The following CTIF variants were observed in gnomAD, a reference collection of about 807,000 sequenced individuals.
The protein encoded by CTIF is cap binding complex dependent translation initiation factor, also known as CBP80/20-dependent translation initiation factor.
A neutral mutation model predicts 66.0 loss-of-function variants in CTIF; 21 were observed. That is an observed-to-expected ratio of 0.32 (90% CI 0.23 to 0.46). The LOEUF (loss-of-function observed/expected upper bound fraction) is 0.46, where lower values mean the gene tolerates loss of function less well. Among genes scored for constraint, CTIF ranks in the 20% least tolerant of loss-of-function variants. The pLI, the probability that CTIF is intolerant of heterozygous loss-of-function variation, is 1.00. For synonymous variants in CTIF, 345 were observed against 326.4 expected (o/e 1.06, Z -0.62); for missense variants, 739 against 812.7 (o/e 0.91, Z 1.10).
At chr18:48,704,833 A>G (rs1331061653) in intron 6 of CTIF, among the ~76,000 whole-genome samples, 1 of 152,202 alleles carries the variant, frequency 6.6e-6, no homozygotes, top group Admixed American at 6.5e-5. Context: ...AAGAATTTGG[A>G]GATCACACTT....
intron 2 of CTIF, among the ~76,000 whole-genome samples, chr18:48,636,098 A>G (rs1169325896): frequency 1.3e-5 from 2 of 152,164 alleles, no homozygotes; most frequent in African/African-American, 2.4e-5. Context: ...TTCTCAGGGG[A>G]TGTGAGTGGC....
intron 5 of CTIF, 190 bp from the exon 6 acceptor site, chr18:48,670,479 G>A (rs544351399): frequency 0.057 from 25,846 of 451,004 alleles, 791 homozygotes; most frequent in Non-Finnish European, 0.073. Context: ...GTTGCATTAC[G>A]GGAGGACCCC....
intron 3 of CTIF, 138 bp downstream of exon 3, chr18:48,636,823 T>G: frequency 9.7e-6 from 5 of 516,208 alleles, no homozygotes; most frequent in Non-Finnish European, 1.3e-5. Flanking sequence ...GGGGCATCTG[T>G]TCCCTGGAAA....
intron 11 of CTIF, among the ~76,000 whole-genome samples, chr18:48,858,737 C>G (rs2069386291): frequency 2.0e-5 from 3 of 152,168 alleles, no homozygotes; most frequent in Admixed American, 2.0e-4. Flanking sequence ...CTGACGGCCT[C>G]TGGCTGGCCT....
chr18:48,694,659 TGCCGTGCATCCACACAACAAAA>T (rs1357719631), intron 6 of CTIF, among the ~76,000 whole-genome samples: 6 of 152,226 alleles, frequency 3.9e-5, no homozygotes. Flanking sequence ...GACTCTTTAA[TGCCGTGCATCCACACAACAAAA>T]GCTTAGCACT....
intron 5 of CTIF, among the ~76,000 whole-genome samples, chr18:48,668,257 C>T (rs957006473): frequency 4.6e-5 from 7 of 152,194 alleles, no homozygotes; most frequent in Non-Finnish European, 7.3e-5. Flanking sequence ...TCAGTGCATG[C>T]GAGAGAGTCC....
intron 8 of CTIF, among the ~76,000 whole-genome samples, chr18:48,759,713 G>A (rs1908769557): frequency 6.6e-6 from 1 of 152,258 alleles, no homozygotes; most frequent in African/African-American, 2.4e-5. Context: ...AACGTGTACA[G>A]ATATGTTCTT....
At chr18:48,784,465 G>A (rs7238630) in intron 9 of CTIF, among the ~76,000 whole-genome samples, 15,583 of 152,182 alleles carry the variant, frequency 0.1, 1,046 homozygotes, top group African/African-American at 0.19. Flanking sequence ...CTTGGGAGGG[G>A]CACTGTTTGC....
At chr18:48,788,322 G>A (rs767440057) in intron 9 of CTIF, among the ~76,000 whole-genome samples, 1 of 152,158 alleles carries the variant, frequency 6.6e-6, no homozygotes, top group African/African-American at 2.4e-5. Flanking sequence ...CACAATTGGG[G>A]TGCCCCAAGG....
At chr18:48,631,152 A>G (rs1417013013) in intron 2 of CTIF, among the ~76,000 whole-genome samples, 1 of 152,154 alleles carries the variant, frequency 6.6e-6, no homozygotes, top group African/African-American at 2.4e-5. Context: ...GGGTCTCCCC[A>G]ATCTTTCCCA....
At chr18:48,701,649 T>C (rs2092086359) in intron 6 of CTIF, among the ~76,000 whole-genome samples, 1 of 152,270 alleles carries the variant, frequency 6.6e-6, no homozygotes, top group Admixed American at 6.5e-5. Context: ...CTGTACATTT[T>C]ACCCTCTATA....
At chr18:48,738,909 G>A (rs892071312) in intron 7 of CTIF, among the ~76,000 whole-genome samples, 23 of 152,170 alleles carry the variant, frequency 1.5e-4, no homozygotes, top group Non-Finnish European at 3.2e-4. Context: ...ATCCTCTCAG[G>A]GCCTTTCAGC....
chr18:48,743,742 C>T (rs940188874), intron 7 of CTIF, among the ~76,000 whole-genome samples: 1 of 152,130 alleles, frequency 6.6e-6, no homozygotes, highest in East Asian at 1.9e-4. Flanking sequence ...CTGTATTTGA[C>T]ATAAAATAAC....
At chr18:48,677,659 G>A (rs2091654183) in intron 6 of CTIF, among the ~76,000 whole-genome samples, 1 of 152,114 alleles carries the variant, frequency 6.6e-6, no homozygotes, top group South Asian at 2.1e-4. Flanking sequence ...CACTCCATAT[G>A]CCTCCTCATC....
chr18:48,653,195 G>C (rs1006140710), intron 3 of CTIF, among the ~76,000 whole-genome samples: 1 of 152,158 alleles, frequency 6.6e-6, no homozygotes, highest in African/African-American at 2.4e-5. Context: ...AATTATCCCT[G>C]TTTGCAGATG....
At chr18:48,749,419 A>G (rs1377612293) in intron 7 of CTIF, among the ~76,000 whole-genome samples, 1 of 152,206 alleles carries the variant, frequency 6.6e-6, no homozygotes, top group Non-Finnish European at 1.5e-5. Context: ...ACTATGCCCA[A>G]AGCTCAGCCC....
Position 48,720,553 on chromosome 18 carries a change from C to G in CTIF, c.584+8858C>G, listed in dbSNP as rs118097707. On this transcript the variant is annotated intron_variant, in intron 7 of 11. Coordinates refer to ENST00000256413, the MANE Select transcript of CTIF (RefSeq NM_014772.3). ...ATAAGAAAATGGGACAGGCAAACCC[C>G]CACCTGGCAGGCAGCCCTGTCAGAT... is the stretch of plus-strand genomic sequence containing the variant. Among the ~76,000 whole-genome samples, 305 of 152,252 alleles carry G rather than the reference C, an allele frequency of 2.0e-3. 11 individuals are homozygous for G. In the East Asian group the frequency reaches 0.052, roughly 26 times the overall value.
At chr18:48,669,979 A>G (rs537985446) in intron 5 of CTIF, among the ~76,000 whole-genome samples, 1 of 151,428 alleles carries the variant, frequency 6.6e-6, no homozygotes, top group South Asian at 2.1e-4. Context: ...ATCCTCATTT[A>G]ACAAATGAGG....
intron 6 of CTIF, among the ~76,000 whole-genome samples, chr18:48,673,838 A>G (rs1598844858): frequency 6.6e-6 from 1 of 152,346 alleles, no homozygotes; most frequent in East Asian, 1.9e-4. Flanking sequence ...AGCTATCATT[A>G]GTGTATTTTA....
Sources: gnomAD v4.1 joint callset for allele counts (sites outside exome capture counted in the v4.1 genomes callset) on GRCh38, gnomAD v4.1.1 for gene constraint, MANE v1.5 for transcripts, NCBI Gene and HGNC (gene_info 2026-07-23, HGNC 2026-07-21) for gene names.